The following TTLL5 variants were observed in gnomAD, a reference collection of about 807,000 sequenced individuals.
TTLL5 encodes the protein tubulin tyrosine ligase like 5.
In TTLL5, 132 loss-of-function variants were observed where a neutral mutation model predicts 168.4. That is an observed-to-expected ratio of 0.78 (90% CI 0.68 to 0.91). The LOEUF (loss-of-function observed/expected upper bound fraction) is 0.91. Among genes scored for constraint, TTLL5 ranks in the 40% least tolerant of loss-of-function variants. The probability of loss-of-function intolerance (pLI) is 0.00; values close to 1 mark genes in which losing one functional copy is unlikely to be tolerated. For synonymous variants in TTLL5, 546 were observed against 558.6 expected, an observed-to-expected ratio of 0.98 and a Z score of 0.32; for missense variants, 1,545 against 1,581.5, an observed-to-expected ratio of 0.98 and a Z score of 0.39.
intron 9 of TTLL5, among the ~76,000 whole-genome samples, chr14:75,708,655 T>C (rs1372402012): frequency 6.6e-6 from 1 of 152,182 alleles, no homozygotes; most frequent in Non-Finnish European, 1.5e-5. Context: ...TTTAAGGTAA[T>C]GTGACTTACA....
intron 28 of TTLL5, among the ~76,000 whole-genome samples, chr14:75,823,192 G>T (rs762089445): frequency 6.6e-6 from 1 of 152,144 alleles, no homozygotes; most frequent in South Asian, 2.1e-4. Context: ...GTGCTGATAC[G>T]TGGGTGTGTT....
intron 27 of TTLL5, among the ~76,000 whole-genome samples, chr14:75,807,906 T>C (rs1027912327): frequency 9.2e-5 from 14 of 152,234 alleles, no homozygotes; most frequent in African/African-American, 3.4e-4. Context: ...CTCTAGTTCT[T>C]GAAGCAGCTT....
At chr14:75,662,314 CA>C (rs1266042758) in intron 1 of TTLL5, among the ~76,000 whole-genome samples, 4 of 150,808 alleles carry the variant, frequency 2.7e-5, no homozygotes, top group Non-Finnish European at 5.9e-5. Flanking sequence ...TAAATGTTGG[CA>C]GGGGTTTTTT....
intron 17 of TTLL5, among the ~76,000 whole-genome samples, chr14:75,752,257 C>G (rs1331631612): frequency 6.6e-6 from 1 of 152,302 alleles, no homozygotes. Flanking sequence ...TTTACCCAGC[C>G]CCTGTTCAAG....
intron 17 of TTLL5, among the ~76,000 whole-genome samples, chr14:75,749,259 C>T (rs1889799783): frequency 6.6e-6 from 1 of 151,892 alleles, no homozygotes; most frequent in Non-Finnish European, 1.5e-5. Flanking sequence ...AGATATAGGA[C>T]CTTACTTTGA....
At chr14:75,751,896 G>C (rs983872877) in intron 17 of TTLL5, among the ~76,000 whole-genome samples, 1 of 152,206 alleles carries the variant, frequency 6.6e-6, no homozygotes, top group Non-Finnish European at 1.5e-5. Flanking sequence ...GAGCAGCCCC[G>C]AGGGCCGCTG....
At chr14:75,866,809 T>C (rs1165288921) in intron 29 of TTLL5, among the ~76,000 whole-genome samples, 1 of 152,188 alleles carries the variant, frequency 6.6e-6, no homozygotes, top group Non-Finnish European at 1.5e-5. Context: ...AATGTAGCAA[T>C]TGTCATATAC....
intron 28 of TTLL5, among the ~76,000 whole-genome samples, chr14:75,843,720 C>G (rs1222307426): frequency 6.6e-6 from 1 of 152,104 alleles, no homozygotes; most frequent in Non-Finnish European, 1.5e-5. Flanking sequence ...TAGCGCAGTG[C>G]CTGGCACCTC....
At chr14:75,729,708 A>G (rs1888411422) in intron 12 of TTLL5, among the ~76,000 whole-genome samples, 1 of 152,214 alleles carries the variant, frequency 6.6e-6, no homozygotes, top group African/African-American at 2.4e-5. Flanking sequence ...ATGTAGTTAG[A>G]TTCAAGGCTG....
At chr14:75,770,179 G>GAAAAAAAAAAAAAAAA (rs56876692) in intron 20 of TTLL5, among the ~76,000 whole-genome samples, 2 of 85,028 alleles carry the variant, frequency 2.4e-5, no homozygotes. Context: ...ACTCTGTCTC[G>GAAAAAAAAAAAAAAAA]AAAAAAAAAA....
intron 7 of TTLL5, 56 bp downstream of exon 7, chr14:75,699,326 C>A (rs1886092301): frequency 7.0e-7 from 1 of 1,427,220 alleles, no homozygotes. Context: ...CCTCCTTCAC[C>A]CTTTGTATTG....
intron 28 of TTLL5, among the ~76,000 whole-genome samples, chr14:75,832,126 C>T (rs1170774570): frequency 6.6e-6 from 1 of 152,172 alleles, no homozygotes; most frequent in Non-Finnish European, 1.5e-5. Context: ...GCAAGTAACC[C>T]GGATACTGCT....
rs762286715 is a variant in TTLL5 at position 75,669,446 on chromosome 14, C to T, written c.105C>T (p.Gly35=). The change falls in exon 3 of 32, where the codon GGC becomes GGT. Residue 35 remains glycine (G), a synonymous_variant. Coordinates refer to ENST00000298832, the MANE Select transcript of TTLL5 (RefSeq NM_015072.5). Reference sequence around the variant, plus strand: ...ATCCATGCATCATGTGGACTGGAGGCTGCAGGAGAATTCCAGTTTTGGTAT... The same window carrying T: ...ATCCATGCATCATGTGGACTGGAGGTTGCAGGAGAATTCCAGTTTTGGTAT... ...EDHPCIMWTG[G]CRRIPVLVFH... 6.2e-7 allele frequency: 1 copy of T among 1,614,148 alleles called. No individual in the cohort carries two copies. The highest frequency in any genetic ancestry group is 8.5e-7 in the Non-Finnish European group (1 of 1,179,966).
At chr14:75,741,386 GGAATATGTGGATTT>G (rs1748380217) in intron 15 of TTLL5, among the ~76,000 whole-genome samples, 1 of 151,954 alleles carries the variant, frequency 6.6e-6, no homozygotes, top group African/African-American at 2.4e-5. Flanking sequence ...TCAACTCATG[GGAATATGTGGATTT>G]ATTATATCTA....
chr14:75,839,550 C>G (rs746453899), intron 28 of TTLL5, among the ~76,000 whole-genome samples: 1 of 152,132 alleles, frequency 6.6e-6, no homozygotes, highest in Non-Finnish European at 1.5e-5. Flanking sequence ...CTTCACAGGG[C>G]GGCAGGAGAG....
intron 27 of TTLL5, among the ~76,000 whole-genome samples, chr14:75,819,041 T>C (rs1894677675): frequency 6.6e-6 from 1 of 152,192 alleles, no homozygotes; most frequent in Non-Finnish European, 1.5e-5. Flanking sequence ...TCGGTTTCTT[T>C]CTTGTAAAAT....
At position 75,690,435 on chromosome 14, in the gene TTLL5, A is replaced by G. The variant is rs45606736; in HGVS notation, c.502+113A>G. On this transcript the variant is annotated intron_variant, in intron 6 of 31. Coordinates refer to ENST00000298832, the MANE Select transcript of TTLL5 (RefSeq NM_015072.5). ...TCAGGGCTTTCCAAATCCTTAGACA[A>G]CTGTGACTCTTTAGTAAAACAGTTG... 8.5e-3 allele frequency: 11,182 copies of G among 1,308,806 alleles called. 79 individuals carry two copies. The highest frequency in any genetic ancestry group is 0.01 in the Non-Finnish European group (9,905 of 974,420). 81.1% of individuals were successfully genotyped at this position (1,308,806 alleles called of 1,614,324 possible).
At position 75,839,679 on chromosome 14, in the gene TTLL5, C is replaced by T. The variant is rs80078834; in HGVS notation, c.3326+19518C>T. 8.9e-3 allele frequency among the ~76,000 whole-genome samples: 1,349 copies of T among 152,240 alleles called. 17 individuals are homozygous for T. Among genetic ancestry groups the T allele is most frequent in the African/African-American group, 0.031 (1,282 of 41,546 alleles). On this transcript the variant is annotated intron_variant, in intron 28 of 31. Coordinates refer to ENST00000298832, the MANE Select transcript of TTLL5 (RefSeq NM_015072.5). ...TGCCCATTATTCAATTACCTCCCAC[C>T]GGTCCCTCTCACAACACATGGGGAT...
At chr14:75,916,726 A>C (rs1360533441) in intron 31 of TTLL5, among the ~76,000 whole-genome samples, 2 of 152,238 alleles carry the variant, frequency 1.3e-5, no homozygotes, top group Non-Finnish European at 2.9e-5. Context: ...AGACAGAAAC[A>C]GATATTTGTA....
Sources: allele counts gnomAD v4.1 joint callset (sites outside exome capture counted in the v4.1 genomes callset), GRCh38; gene constraint gnomAD v4.1.1; transcripts MANE v1.5; gene names NCBI Gene and HGNC (gene_info 2026-07-23, HGNC 2026-07-21).